The following TET1 variants were observed in gnomAD, a reference collection of about 807,000 sequenced individuals.
TET1 encodes the protein tet methylcytosine dioxygenase 1, also known as methylcytosine dioxygenase TET1.
A neutral mutation model predicts 148.7 loss-of-function variants in TET1; 13 were observed. That is an observed-to-expected ratio of 0.09 (90% CI 0.06 to 0.14). The LOEUF is 0.14. Ranked by LOEUF, TET1 falls within the 10% of genes least tolerant of loss-of-function variation. The pLI, the probability that TET1 is intolerant of heterozygous loss-of-function variation, is 1.00. For missense variants in TET1, 2,182 were observed against 2,553.8 expected, an observed-to-expected ratio of 0.85 and a Z score of 3.14; for synonymous variants, 907 against 937.2, an observed-to-expected ratio of 0.97 and a Z score of 0.59.
At chr10:68,690,784 T>G in intron 11 of TET1, 24 bp from the exon 12 acceptor site, 1 of 1,535,924 alleles carries the variant, frequency 6.5e-7, no homozygotes, top group Non-Finnish European at 8.8e-7. Context: ...TGTATTTTTC[T>G]TCACATTTGG....
chr10:68,651,764 A>G (rs1473974689), intron 4 of TET1, 82 bp from the exon 5 acceptor site: 3 of 999,608 alleles, frequency 3.0e-6, no homozygotes, highest in East Asian at 5.2e-5. Context: ...TTGAGGGGGA[A>G]CAAAAAGTAT....
rs1217792442 is a variant in TET1 at position 68,676,268 on chromosome 10, A to ATTT, written c.4824+3249_4824+3251dup. ...TATATATATATATATATATATATAT[A>ATTT]TTTTTTTTTTTTTTTTTTTTTTTTT... On this transcript the variant is annotated intron_variant, in intron 8 of 11. Coordinates refer to ENST00000373644, the MANE Select transcript of TET1 (RefSeq NM_030625.3). Among the ~76,000 whole-genome samples the ATTT allele has an allele frequency of 1.9e-4, 7 of 36,004 alleles. 1 individual carries two copies. The highest frequency in any genetic ancestry group is 5.0e-4 in the Admixed American group (1 of 1,986). The allele number at this position is 36,004 out of a possible 152,430, so 23.6% of individuals were successfully genotyped here. A position where few individuals can be genotyped will look rare whatever the true frequency, so the allele number is the denominator to read the frequency against.
intron 1 of TET1, among the ~76,000 whole-genome samples, chr10:68,569,640 A>T (rs1194311801): frequency 6.6e-6 from 1 of 152,178 alleles, no homozygotes; most frequent in Non-Finnish European, 1.5e-5. Context: ...TATAATGGCT[A>T]GGCATGCTGG....
intron 3 of TET1, among the ~76,000 whole-genome samples, chr10:68,635,791 A>G (rs773573835): frequency 2.0e-5 from 3 of 152,182 alleles, no homozygotes; most frequent in Non-Finnish European, 2.9e-5. Flanking sequence ...AGAAGTTTAC[A>G]GACCAGCCTA....
At chr10:68,632,353 A>AG in intron 3 of TET1, 1 of 1,582,900 alleles carries the variant, frequency 6.3e-7, no homozygotes, top group Non-Finnish European at 8.7e-7. Flanking sequence ...GGGCGGGTGG[A>AG]GTCGCGGAGT....
chr10:68,632,636 G>A (rs2133034511), intron 3 of TET1: 1 of 1,587,260 alleles, frequency 6.3e-7, no homozygotes, highest in Non-Finnish European at 8.7e-7. Context: ...ATCCAGGAAA[G>A]AATTGCCAGA....
chr10:68,599,727 T>C (rs2054030572), intron 2 of TET1, among the ~76,000 whole-genome samples: 1 of 152,234 alleles, frequency 6.6e-6, no homozygotes, highest in Non-Finnish European at 1.5e-5. Flanking sequence ...ATATAGATGC[T>C]CAGTGACAGT....
chr10:68,570,277 G>C (rs1000267855), intron 1 of TET1, among the ~76,000 whole-genome samples: 1 of 151,574 alleles, frequency 6.6e-6, no homozygotes, highest in Non-Finnish European at 1.5e-5. Flanking sequence ...GCTAATTTTT[G>C]TATTTTTGGT....
At position 68,646,228 on chromosome 10, in the gene TET1, A is replaced by G. The variant is rs2054844576; in HGVS notation, c.3499A>G (p.Ser1167Gly). The G allele has an allele frequency of 6.2e-7, 1 of 1,614,198 alleles. No individual in the cohort carries two copies. ...DRRKKKPTVVSYQENDRQKWE... is the reference protein window; with the variant it reads ...DRRKKKPTVVGYQENDRQKWE... ...GCGGAAAAAGAAGCCCACAGTTGTA[A>G]GTTATCAAGAAAATGATCGGCAGAA... The change falls in exon 4 of 12, where the codon AGT becomes GGT. Residue 1167 changes from serine to glycine, a missense_variant. Coordinates refer to ENST00000373644, the MANE Select transcript of TET1 (RefSeq NM_030625.3).
At chr10:68,604,695 T>C (rs945523640) in intron 3 of TET1, among the ~76,000 whole-genome samples, 1 of 152,124 alleles carries the variant, frequency 6.6e-6, no homozygotes, top group African/African-American at 2.4e-5. Flanking sequence ...AAGAAGGTTA[T>C]GGAAGGTGGA....
intron 3 of TET1, among the ~76,000 whole-genome samples, chr10:68,625,525 T>C (rs1221306618): frequency 6.6e-6 from 1 of 152,154 alleles, no homozygotes. Context: ...ATTAAAGATA[T>C]TTTAGGGTCA....
intron 3 of TET1, among the ~76,000 whole-genome samples, chr10:68,624,598 TTTTCTCTTTCTTTC>T (rs2054426220): frequency 6.7e-6 from 1 of 148,248 alleles, no homozygotes; most frequent in Non-Finnish European, 1.5e-5. Context: ...CTTATTTTCT[TTTTCTCTTTCTTTC>T]TTTCTTTCTT....
chr10:68,644,699 C>G lies in TET1; in HGVS notation c.1970C>G (p.Ala657Gly), dbSNP rs1266734167. The G allele has an allele frequency of 1.3e-6, 2 of 1,551,690 alleles. No homozygotes were observed. The highest frequency in any genetic ancestry group is 4.3e-5 in the Admixed American group (2 of 46,406). The change falls in exon 4 of 12, where the codon GCA becomes GGA. Residue 657 changes from alanine to glycine, a missense_variant and splice_region_variant. Around this residue, in one of 11 missense-constraint regions of TET1, gnomAD observed 226 missense variants for 307.4 expected, o/e 0.74. Transcript: ENST00000373644. Reference protein sequence around the residue: ...QREKKPKVLKADFDNKPVNGP... With the variant: ...QREKKPKVLKGDFDNKPVNGP... ...ATAAGTAATTTCTGTATTTTACAGGCAGATTTTGACAACAAACCAGTAAAT... is the reference window on the plus strand; with the variant it reads ...ATAAGTAATTTCTGTATTTTACAGGGAGATTTTGACAACAAACCAGTAAAT...
chr10:68,602,748 A>G (rs2054073641), intron 3 of TET1, among the ~76,000 whole-genome samples: 1 of 152,212 alleles, frequency 6.6e-6, no homozygotes, highest in Admixed American at 6.5e-5. Flanking sequence ...AGCAGAACCA[A>G]ATTGTTGCTC....
chr10:68,605,729 G>A (rs1372243247), intron 3 of TET1, among the ~76,000 whole-genome samples: 1 of 152,146 alleles, frequency 6.6e-6, no homozygotes, highest in Non-Finnish European at 1.5e-5. Flanking sequence ...TGGCCAGTCT[G>A]GTCTCAAACT....
At chr10:68,624,388 C>T (rs991845393) in intron 3 of TET1, among the ~76,000 whole-genome samples, 2 of 152,128 alleles carry the variant, frequency 1.3e-5, no homozygotes, top group Non-Finnish European at 2.9e-5. Context: ...CTTCCGGGTT[C>T]AAGCAATTCT....
At chr10:68,599,765 G>A (rs2054030947) in intron 2 of TET1, among the ~76,000 whole-genome samples, 1 of 152,208 alleles carries the variant, frequency 6.6e-6, no homozygotes, top group African/African-American at 2.4e-5. Context: ...AGAGCCAAAG[G>A]TGTCCTTTTG....
At position 68,597,030 on chromosome 10, in the gene TET1, A is replaced by ATTTTTTTTTT. The variant is rs553591899; in HGVS notation, c.1915-3939_1915-3930dup. Among the ~76,000 whole-genome samples, 290 of 98,830 alleles carry ATTTTTTTTTT rather than the reference A, an allele frequency of 2.9e-3. 24 individuals are homozygous for ATTTTTTTTTT. Among genetic ancestry groups the ATTTTTTTTTT allele is most frequent in the African/African-American group, 8.5e-3 (192 of 22,548 alleles). The allele number at this position is 98,830 out of a possible 152,430, so 64.8% of individuals were successfully genotyped here. A position where few individuals can be genotyped will look rare whatever the true frequency, so the allele number is the denominator to read the frequency against. On this transcript the variant is annotated intron_variant, in intron 2 of 11. Coordinates refer to ENST00000373644, the MANE Select transcript of TET1 (RefSeq NM_030625.3). ...ATTTTCATGATCACACAGCTAATGG[A>ATTTTTTTTTT]TTTTTTTTTTTTTTTTTTTTTGAGA...
In TET1 at chr10:68,691,690, C is replaced by T; in HGVS notation, c.6287C>T (p.Ser2096Phe). 6.2e-7 allele frequency: 1 copy of T among 1,614,200 alleles called. No individual in the cohort carries two copies. The highest frequency in any genetic ancestry group is 1.1e-5 in the South Asian group (1 of 91,086). The change falls in exon 12 of 12, where the codon TCT (serine) becomes TTT (phenylalanine). Residue 2096 changes from serine to phenylalanine, a missense_variant. Ser to Phe is a radical substitution (Grantham distance 155). Around this residue, in one of 11 missense-constraint regions of TET1, gnomAD observed 54 missense variants for 44.4 expected, o/e 1.22. Coordinates refer to ENST00000373644, the MANE Select transcript of TET1 (RefSeq NM_030625.3). The surrounding 1 kb of genome is among the most constrained non-coding windows in gnomAD (Gnocchi z 4.4). ...QAANEGPEQSSEVNELNQIPS... is the reference protein window; with the variant it reads ...QAANEGPEQSFEVNELNQIPS... Reference sequence around the variant, plus strand: ...GCTAATGAAGGTCCAGAACAGTCCTCTGAAGTAAATGAATTGAACCAAATT... The same window carrying T: ...GCTAATGAAGGTCCAGAACAGTCCTTTGAAGTAAATGAATTGAACCAAATT...
Sources: gnomAD v4.1 joint callset for allele counts (sites outside exome capture counted in the v4.1 genomes callset) on GRCh38, gnomAD v4.1.1 for gene constraint, gnomAD v4.1.1 regional missense constraint, Gnocchi (gnomAD v3.1) non-coding constraint, MANE v1.5 for transcripts, NCBI Gene and HGNC (gene_info 2026-07-23, HGNC 2026-07-21) for gene names.